Variants in BRF1 observed in about 807,000 individuals in gnomAD.
BRF1 encodes the protein transcription factor IIIB 90 kDa subunit.
A neutral mutation model predicts 81.7 loss-of-function variants in BRF1; 59 were observed. The ratio of observed to expected loss-of-function variants is 0.72; its 90% CI spans 0.59 to 0.90. BRF1 has a LOEUF of 0.90. Ranked by LOEUF, BRF1 falls within the 40% of genes least tolerant of loss-of-function variation. The pLI, the probability that BRF1 is intolerant of heterozygous loss-of-function variation, is 0.00. For synonymous variants in BRF1, 491 were observed against 395.6 expected (o/e 1.24, Z -2.86); for missense variants, 1,050 against 936.3 (o/e 1.12, Z -1.58).
chr14:105,221,223 C>T (rs587747794), intron 11 of BRF1, among the ~76,000 whole-genome samples: 13 of 152,304 alleles, frequency 8.5e-5, no homozygotes, highest in African/African-American at 2.4e-4. Context: ...AAGATGGGCA[C>T]GGTGGCCTGG....
chr14:105,292,551 G>C (rs961914163), intron 1 of BRF1, among the ~76,000 whole-genome samples: 2 of 152,176 alleles, frequency 1.3e-5, no homozygotes, highest in Non-Finnish European at 2.9e-5. Context: ...TAGGAGGCCT[G>C]GCTGGCTGGG....
intron 2 of BRF1, among the ~76,000 whole-genome samples, chr14:105,283,964 C>T (rs587607795): frequency 1.3e-5 from 2 of 152,248 alleles, no homozygotes; most frequent in South Asian, 4.1e-4. Flanking sequence ...AACGTGTGTG[C>T]CAGGAAGCCC....
At chr14:105,301,636 C>A (rs1595506517), upstream of BRF1, among the ~76,000 whole-genome samples, 1 of 152,270 alleles carries the variant, frequency 6.6e-6, no homozygotes, top group Non-Finnish European at 1.5e-5. Context: ...TCCAGAGCCT[C>A]CCCGTGCGCC....
In BRF1 at chr14:105,284,128, C is replaced by A. The variant is rs1170265831; in HGVS notation, c.265+2168G>T. ...TGTGCTGCGCTGCACCCGCTTCCTG[C>A]AGGAAACGCATTCAAGCGCCCAACA... On this transcript the variant is annotated intron_variant, in intron 2 of 17. Coordinates refer to ENST00000547530, the MANE Select transcript of BRF1 (RefSeq NM_001519.4). This position sits in a 1 kb window ranked among gnomAD's most constrained non-coding sequence, Gnocchi z 4.0. Among the ~76,000 whole-genome samples, 3 of 152,126 alleles carry A rather than the reference C, an allele frequency of 2.0e-5. No individual in the cohort carries two copies. The highest frequency in any genetic ancestry group is 4.4e-5 in the Non-Finnish European group (3 of 68,008).
chr14:105,229,426 G>C lies in BRF1; in HGVS notation c.695-513C>G, dbSNP rs147684223. Among the ~76,000 whole-genome samples, 192 of 152,342 alleles carry C rather than the reference G, an allele frequency of 1.3e-3. 1 individual carries two copies. Among genetic ancestry groups the C allele is most frequent in the African/African-American group, 4.4e-3 (184 of 41,586 alleles). ...TGCAGCGCAGGGATGCCGGTACCTG[G>C]CCTGCCGGGTAGAGTGGACTCTGTG... On this transcript the variant is annotated intron_variant, in intron 6 of 17. Transcript: ENST00000547530.
intron 5 of BRF1, chr14:105,250,328 G>T (rs770347344): frequency 6.2e-7 from 1 of 1,613,400 alleles, no homozygotes; most frequent in African/African-American, 1.3e-5. Flanking sequence ...ATTTATTGCA[G>T]GGCTGGGCCT....
At chr14:105,304,246 CT>C (rs928729085), upstream of BRF1, among the ~76,000 whole-genome samples, 18 of 152,172 alleles carry the variant, frequency 1.2e-4, no homozygotes, top group African/African-American at 4.1e-4. Flanking sequence ...AATCCCAGCA[CT>C]TTGGGAGGCT....
intron 3 of BRF1, 62 bp downstream of exon 3, chr14:105,272,659 C>T (rs2056707236): frequency 2.0e-6 from 3 of 1,512,480 alleles, no homozygotes; most frequent in Non-Finnish European, 2.7e-6. Flanking sequence ...TCCCAATATT[C>T]GAGGGGAGCC....
At chr14:105,263,793 C>T (rs966593948) in intron 3 of BRF1, among the ~76,000 whole-genome samples, 4 of 151,824 alleles carry the variant, frequency 2.6e-5, no homozygotes, top group African/African-American at 4.8e-5. Context: ...GATGTGGTGG[C>T]GGGCACCTAT....
At chr14:105,218,462 C>T (rs1891692687) in intron 14 of BRF1, among the ~76,000 whole-genome samples, 1 of 152,332 alleles carries the variant, frequency 6.6e-6, no homozygotes, top group Admixed American at 6.5e-5. Context: ...CCATCCCAGC[C>T]ACCTCCAGCT....
In BRF1 at chr14:105,219,007, C is replaced by T. The variant is rs759086617; in HGVS notation, c.1506G>A (p.Lys502=). The change falls in exon 14 of 18, where the codon AAG becomes AAA. Residue 502 remains lysine (K), a synonymous_variant. Transcript: ENST00000547530. ...IAKEKELGIY[K]EHKPKKSCKR... ...CGTCACAGGCGCCCACCTTGTGTTC[C>T]TTGTAGATGCCGAGCTCCTTCTCTT... 2 of 1,613,902 alleles carry T rather than the reference C, an allele frequency of 1.2e-6. No homozygotes were observed. Among genetic ancestry groups the T allele is most frequent in the South Asian group, 2.2e-5 (2 of 91,078 alleles).
chr14:105,250,304 G>A, intron 5 of BRF1: 1 of 1,613,306 alleles, frequency 6.2e-7, no homozygotes. Context: ...CCAGTTTGCA[G>A]TGGACAGAAG....
At chr14:105,250,128 T>G (rs757949987) in intron 5 of BRF1, 24 of 1,612,990 alleles carry the variant, frequency 1.5e-5, no homozygotes, top group Non-Finnish European at 2.0e-5. Flanking sequence ...ATCCTGACTC[T>G]GGAGGAGACC....
intron 5 of BRF1, chr14:105,247,677 G>A (rs957858507): frequency 1.7e-5 from 17 of 985,310 alleles, no homozygotes; most frequent in African/African-American, 1.4e-4. Context: ...GTCCTGTGGG[G>A]TTTCCTGCAT....
chr14:105,266,770 CG>C (rs1444225051), intron 3 of BRF1, among the ~76,000 whole-genome samples: 1 of 151,880 alleles, frequency 6.6e-6, no homozygotes, highest in South Asian at 2.1e-4. Context: ...CAAGGCTGGG[CG>C]GGGGGTTCAC....
At chr14:105,250,187 T>G in intron 5 of BRF1, 7 of 1,612,992 alleles carry the variant, frequency 4.3e-6, no homozygotes, top group Non-Finnish European at 5.9e-6. Flanking sequence ...CCGCCTGGAC[T>G]TTCCCCTGAC....
upstream of BRF1, among the ~76,000 whole-genome samples, chr14:105,301,882 A>T (rs879507981): frequency 1.3e-5 from 2 of 152,190 alleles, no homozygotes; most frequent in Non-Finnish European, 2.9e-5. Flanking sequence ...CACGCTTGTA[A>T]TCCCAGCACT....
chr14:105,248,528 C>G (rs2055290268), intron 5 of BRF1: 1 of 951,242 alleles, frequency 1.1e-6, no homozygotes, highest in Non-Finnish European at 1.2e-6. Flanking sequence ...GGGCGCGGCC[C>G]TGACGCAGCG....
intron 10 of BRF1, 102 bp downstream of exon 10, chr14:105,225,967 A>T: frequency 8.4e-7 from 1 of 1,196,476 alleles, no homozygotes; most frequent in South Asian, 1.4e-5. Flanking sequence ...TTCTGTAGAT[A>T]ATCCCCTTCC....
Sources: gnomAD v4.1 joint callset for allele counts (sites outside exome capture counted in the v4.1 genomes callset) on GRCh38, gnomAD v4.1.1 for gene constraint, Gnocchi (gnomAD v3.1) non-coding constraint, MANE v1.5 for transcripts, NCBI Gene and HGNC (gene_info 2026-07-23, HGNC 2026-07-21) for gene names.